The following IQCH variants were observed in gnomAD, a reference collection of about 807,000 sequenced individuals.
IQCH encodes the protein IQ motif containing H, also known as IQ domain-containing protein H.
IQCH carries 98 observed loss-of-function variants against 117.0 expected under a neutral mutation model. The observed-to-expected ratio is 0.84, with a 90% CI of 0.71 to 0.99. The LOEUF (loss-of-function observed/expected upper bound fraction) is 0.99. Ranked by LOEUF, IQCH falls within the 50% of genes least tolerant of loss-of-function variation. IQCH has a pLI of 0.00. For missense variants in IQCH, 1,102 were observed against 1,243.8 expected (o/e 0.89, Z 1.72); for synonymous variants, 412 against 448.2 (o/e 0.92, Z 1.02).
At chr15:67,418,566 G>A (rs1169114246) in intron 15 of IQCH, among the ~76,000 whole-genome samples, 2 of 107,582 alleles carry the variant, frequency 1.9e-5, no homozygotes, top group Non-Finnish European at 4.0e-5. Context: ...ATCAATAATA[G>A]GGTGTTTTTA....
chr15:67,400,491 C>CTTTTCTTTTTTTTTTTTTTTTTTTTTTT lies in IQCH; in HGVS notation c.2097+190_2097+191insCTTTTTTTTTTTTTTTTTTTTTTTTTTT, dbSNP rs776111763. ...TGGGATTGACTGAGTTCTTTTTTTT[C>CTTTTCTTTTTTTTTTTTTTTTTTTTTTT]TTTTTTTTTTTGAGATGGGGCCTCA... On this transcript the variant is annotated intron_variant, in intron 14 of 20. Transcript: ENST00000335894. Among the ~76,000 whole-genome samples the CTTTTCTTTTTTTTTTTTTTTTTTTTTTT allele has an allele frequency of 5.0e-4, 58 of 115,538 alleles. 6 individuals carry two copies. The highest frequency in any genetic ancestry group is 5.9e-4 in the Non-Finnish European group (34 of 57,946). The allele number at this position is 115,538 out of a possible 152,430, so 75.8% of individuals were successfully genotyped here.
chr15:67,477,888 A>G (rs528725044), intron 18 of IQCH, among the ~76,000 whole-genome samples: 1 of 152,340 alleles, frequency 6.6e-6, no homozygotes, highest in African/African-American at 2.4e-5. Context: ...TTTGTATTTG[A>G]CTGAAGTTCA....
intron 4 of IQCH, among the ~76,000 whole-genome samples, chr15:67,292,901 AT>A: frequency 6.6e-6 from 1 of 152,238 alleles, no homozygotes; most frequent in Non-Finnish European, 1.5e-5. Flanking sequence ...TCTGTTATCC[AT>A]TGCATCTGAT....
chr15:67,390,629 C>G lies in IQCH; in HGVS notation c.1632+1623C>G, dbSNP rs544471333. On this transcript the variant is annotated intron_variant, in intron 12 of 20. Coordinates refer to ENST00000335894, the MANE Select transcript of IQCH (RefSeq NM_001031715.3). This position sits in a 1 kb window ranked among gnomAD's most constrained non-coding sequence, Gnocchi z 5.0. ...TCAGCCTCCTGAGTAGCTGGGATTA[C>G]AGGTGTGTGCCACCACACCCAGCTA... is the stretch of plus-strand genomic sequence containing the variant. 2.6e-5 allele frequency among the ~76,000 whole-genome samples: 4 copies of G among 152,172 alleles called. No individual in the cohort carries two copies. The highest frequency in any genetic ancestry group is 2.6e-4 in the Admixed American group (4 of 15,284).
intron 4 of IQCH, among the ~76,000 whole-genome samples, chr15:67,296,526 G>A (rs2140516443): frequency 6.6e-6 from 1 of 152,180 alleles, no homozygotes; most frequent in East Asian, 1.9e-4. Flanking sequence ...ATTAGAGGCA[G>A]GCCATCATGC....
rs551272186 is a variant in IQCH, at chr15:67,255,958, C to A, written c.51+1011C>A. Among the ~76,000 whole-genome samples the A allele has an allele frequency of 3.9e-5, 6 of 152,252 alleles. 1 individual carries two copies. The South Asian group carries it at 1.2e-3, about 32-fold the overall frequency. ...AGCCAAACTGCGAAGTCTGAGGGAACGGTCCACAAAAAACTGCCCTAACTT... is the reference window on the plus strand; with the variant it reads ...AGCCAAACTGCGAAGTCTGAGGGAAAGGTCCACAAAAAACTGCCCTAACTT... On this transcript the variant is annotated intron_variant, in intron 1 of 20. Coordinates refer to ENST00000335894, the MANE Select transcript of IQCH (RefSeq NM_001031715.3).
In IQCH at chr15:67,458,844, T is replaced by C. The variant is rs1288133065; in HGVS notation, c.2506-6283T>C. On this transcript the variant is annotated intron_variant, in intron 16 of 20. Transcript: ENST00000335894. The surrounding 1 kb of genome is among the most constrained non-coding windows in gnomAD (Gnocchi z 4.1). ...CCTTTGGCCAACCAGCTACTGAGCA[T>C]GATGGGCCGTGTATCACAGTTCACC... Among the ~76,000 whole-genome samples the C allele has an allele frequency of 6.6e-6, 1 of 152,224 alleles. No individual in the cohort carries two copies. Among genetic ancestry groups the C allele is most frequent in the Admixed American group, 6.5e-5 (1 of 15,286 alleles).
intron 6 of IQCH, among the ~76,000 whole-genome samples, chr15:67,349,726 G>T (rs999950644): frequency 6.6e-6 from 1 of 151,572 alleles, no homozygotes; most frequent in African/African-American, 2.4e-5. Context: ...TCAGTGATAA[G>T]AAACAAACAA....
chr15:67,350,180 C>T (rs929274190), intron 6 of IQCH, among the ~76,000 whole-genome samples: 2 of 152,174 alleles, frequency 1.3e-5, no homozygotes, highest in African/African-American at 4.8e-5. Context: ...TGGAGTACAG[C>T]TTGCTCTAAA....
intron 3 of IQCH, among the ~76,000 whole-genome samples, chr15:67,268,762 T>A (rs1164541771): frequency 6.6e-6 from 1 of 152,060 alleles, no homozygotes; most frequent in Non-Finnish European, 1.5e-5. Context: ...ACGATATGAC[T>A]ACATTCTAGT....
intron 4 of IQCH, among the ~76,000 whole-genome samples, chr15:67,316,318 G>A (rs1967844176): frequency 6.6e-6 from 1 of 152,042 alleles, no homozygotes. Flanking sequence ...TCTAATACTG[G>A]GTTAGTTTAA....
rs566021475 is a variant in IQCH, at chr15:67,386,261, G to A, written c.1456+1242G>A. Among the ~76,000 whole-genome samples the A allele has an allele frequency of 7.2e-5, 11 of 152,074 alleles. No individual in the cohort carries two copies. The highest frequency in any genetic ancestry group is 2.1e-4 in the South Asian group (1 of 4,806). ...TTCTATATATAGTATAAGCCATCAC[G>A]AAATAATTTCTTTATAAAAGATTCT... is the stretch of plus-strand genomic sequence containing the variant. On this transcript the variant is annotated intron_variant, in intron 11 of 20. Coordinates refer to ENST00000335894, the MANE Select transcript of IQCH (RefSeq NM_001031715.3). The surrounding 1 kb of genome is among the most constrained non-coding windows in gnomAD (Gnocchi z 5.0).
Position 67,376,914 on chromosome 15 carries a change from C to A in IQCH, c.1372+3481C>A, listed in dbSNP as rs556856693. ...TGGGCAGATCACGAGGTCAAGAGAT[C>A]GAGACCATCCTGGCCAACATGGTGA... On this transcript the variant is annotated intron_variant, in intron 10 of 20. Coordinates refer to ENST00000335894, the MANE Select transcript of IQCH (RefSeq NM_001031715.3). The surrounding 1 kb of genome is among the most constrained non-coding windows in gnomAD (Gnocchi z 5.0). 1.3e-5 allele frequency among the ~76,000 whole-genome samples: 2 copies of A among 151,856 alleles called. No individual in the cohort carries two copies. Among genetic ancestry groups the A allele is most frequent in the East Asian group, 1.9e-4 (1 of 5,168 alleles).
At chr15:67,489,085 A>C (rs1257891601) in intron 18 of IQCH, among the ~76,000 whole-genome samples, 3 of 150,428 alleles carry the variant, frequency 2.0e-5, no homozygotes, top group Non-Finnish European at 4.4e-5. Context: ...CCAGGCTGGA[A>C]TGCAGTGGCG....
rs1212623425 is a variant in IQCH, at chr15:67,432,611, G to A, written c.2505+11034G>A. ...AACCACATGTAAAACTGTCACAGGA[G>A]CCCTCAGCAGGTGCTCAAACTGTGA... On this transcript the variant is annotated intron_variant, in intron 16 of 20. Coordinates refer to ENST00000335894, the MANE Select transcript of IQCH (RefSeq NM_001031715.3). The surrounding 1 kb of genome is among the most constrained non-coding windows in gnomAD (Gnocchi z 5.0). 6.6e-6 allele frequency among the ~76,000 whole-genome samples: 1 copy of A among 152,136 alleles called. No homozygotes were observed. Among genetic ancestry groups the A allele is most frequent in the Admixed American group, 6.5e-5 (1 of 15,270 alleles).
chr15:67,322,754 A>G (rs1429955748), intron 4 of IQCH, among the ~76,000 whole-genome samples: 1 of 151,126 alleles, frequency 6.6e-6, no homozygotes, highest in African/African-American at 2.4e-5. Flanking sequence ...TTTATTGAGC[A>G]ACAGAACAGC....
rs549646491 is a variant in IQCH at position 67,373,388 on chromosome 15, C to A, written c.1327C>A (p.Arg443Ser). 6.2e-7 allele frequency: 1 copy of A among 1,612,392 alleles called. No homozygotes were observed. Among genetic ancestry groups the A allele is most frequent in the African/African-American group, 1.3e-5 (1 of 74,878 alleles). Residue 443 changes from arginine (R) to serine (S), a missense_variant, in exon 10 of 21, where the codon CGC becomes AGC. This residue lies in a region of IQCH where 650 missense variants were observed against 794.3 expected (regional missense o/e 0.82). Transcript: ENST00000335894. ...TTAGCATCTGGCAGCCAACTGGAAT[C>A]GCATCAGGACCTCCAGGAGGACTAT... The part of the protein sequence containing the change: ...RAKHLAANWN[R>S]IRTSRRTIIH...
rs887889873 is a variant in IQCH, at chr15:67,457,556, T to C, written c.2506-7571T>C. ...TCAAACTCTGCTCCCAACAGTCAGATGGGGAAGAAGTGGTCAGGACCCAAA... is the reference window on the plus strand; with the variant it reads ...TCAAACTCTGCTCCCAACAGTCAGACGGGGAAGAAGTGGTCAGGACCCAAA... On this transcript the variant is annotated intron_variant, in intron 16 of 20. Transcript: ENST00000335894. The surrounding 1 kb of genome is among the most constrained non-coding windows in gnomAD (Gnocchi z 5.7). 6.6e-6 allele frequency among the ~76,000 whole-genome samples: 1 copy of C among 152,232 alleles called. No homozygotes were observed. Among genetic ancestry groups the C allele is most frequent in the African/African-American group, 2.4e-5 (1 of 41,460 alleles).
chr15:67,449,991 T>A (rs568785276), intron 16 of IQCH, among the ~76,000 whole-genome samples: 1 of 152,316 alleles, frequency 6.6e-6, no homozygotes, highest in East Asian at 1.9e-4. Flanking sequence ...GAAGCAATTG[T>A]GAATGGGAGT....
Sources: allele counts gnomAD v4.1 joint callset (sites outside exome capture counted in the v4.1 genomes callset), GRCh38; gene constraint gnomAD v4.1.1; regional missense constraint gnomAD v4.1.1; non-coding constraint Gnocchi (gnomAD v3.1); transcripts MANE v1.5; gene names NCBI Gene and HGNC (gene_info 2026-07-23, HGNC 2026-07-21).